Variants in RALA observed in about 807,000 individuals in gnomAD.
RALA encodes ras-related protein Ral-A.
Under a neutral mutation model 24.0 loss-of-function variants are expected in RALA, and 5 were observed. The observed-to-expected ratio is 0.21, with a 90% CI of 0.11 to 0.44. RALA has a LOEUF of 0.44. Ranked by LOEUF, RALA falls within the 20% of genes least tolerant of loss-of-function variation. RALA has a pLI of 0.99. For missense variants in RALA, 95 were observed against 241.2 expected, an observed-to-expected ratio of 0.39 and a Z score of 4.01; for synonymous variants, 77 against 83.8, an observed-to-expected ratio of 0.92 and a Z score of 0.44.
chr7:39,625,577 A>G (rs1314141864), intron 1 of RALA, among the ~76,000 whole-genome samples: 1 of 152,214 alleles, frequency 6.6e-6, no homozygotes, highest in Non-Finnish European at 1.5e-5. Flanking sequence ...TGATTTACCA[A>G]TAGCCTCTTT....
chr7:39,652,953 A>G (rs889829121), intron 1 of RALA, among the ~76,000 whole-genome samples: 3 of 151,354 alleles, frequency 2.0e-5, no homozygotes, highest in Non-Finnish European at 4.4e-5. Context: ...TTTAGTAGAG[A>G]TGTGGTTTTG....
At chr7:39,696,882 T>TG (rs761942169) in intron 4 of RALA, 23 bp downstream of exon 4, 1 of 1,587,924 alleles carries the variant, frequency 6.3e-7, no homozygotes, top group East Asian at 2.2e-5. Context: ...TCTTTACTAC[T>TG]GCATCATGTT....
intron 1 of RALA, among the ~76,000 whole-genome samples, chr7:39,658,680 A>C (rs577600001): frequency 2.6e-5 from 4 of 152,046 alleles, no homozygotes; most frequent in Admixed American, 6.6e-5. Context: ...TAAAAACCTG[A>C]TTCTGAGTCA....
At chr7:39,702,194 T>A (rs1403939632) in intron 4 of RALA, among the ~76,000 whole-genome samples, 1 of 152,122 alleles carries the variant, frequency 6.6e-6, no homozygotes, top group Non-Finnish European at 1.5e-5. Context: ...TATAGAAACA[T>A]AAGGAGGAAA....
chr7:39,641,571 G>T (rs1400099540), intron 1 of RALA, among the ~76,000 whole-genome samples: 1 of 152,080 alleles, frequency 6.6e-6, no homozygotes, highest in African/African-American at 2.4e-5. Context: ...TCAATTTTTT[G>T]TTATTGGTTT....
intron 1 of RALA, among the ~76,000 whole-genome samples, chr7:39,642,465 G>T (rs1310340367): frequency 6.6e-6 from 1 of 152,036 alleles, no homozygotes; most frequent in Non-Finnish European, 1.5e-5. Context: ...AAAGAGAGAG[G>T]GTAGAGATAG....
At chr7:39,640,020 T>G (rs1034344169) in intron 1 of RALA, among the ~76,000 whole-genome samples, 14 of 148,260 alleles carry the variant, frequency 9.4e-5, no homozygotes, top group Non-Finnish European at 1.6e-4. Flanking sequence ...TTATAACCAT[T>G]CTAGTGTGTA....
intron 4 of RALA, among the ~76,000 whole-genome samples, chr7:39,697,919 G>A (rs942962124): frequency 1.3e-5 from 2 of 151,252 alleles, no homozygotes; most frequent in Non-Finnish European, 2.9e-5. Context: ...TTCAGGATAC[G>A]AATTTTTTCT....
intron 1 of RALA, among the ~76,000 whole-genome samples, chr7:39,681,123 A>AT (rs1792589812): frequency 6.6e-6 from 1 of 152,040 alleles, no homozygotes; most frequent in Non-Finnish European, 1.5e-5. Context: ...TCATTAATTT[A>AT]TGCCTCTTTT....
intron 1 of RALA, among the ~76,000 whole-genome samples, chr7:39,660,841 A>C (rs1435025331): frequency 1.3e-5 from 2 of 152,242 alleles, no homozygotes; most frequent in African/African-American, 4.8e-5. Context: ...ATTATTTACT[A>C]TCAGGTACAC....
chr7:39,675,739 TAA>T (rs752072089), intron 1 of RALA, among the ~76,000 whole-genome samples: 11 of 116,334 alleles, frequency 9.5e-5, no homozygotes, highest in African/African-American at 1.2e-4. Flanking sequence ...TCTGGGAAAT[TAA>T]AAAAAAAAAA....
At chr7:39,696,924 A>AT in intron 4 of RALA, 65 bp downstream of exon 4, 6 of 1,441,294 alleles carry the variant, frequency 4.2e-6, no homozygotes, top group Non-Finnish European at 5.7e-6. Context: ...ACTTGGCTCC[A>AT]TTTTGTCTGG....
At chr7:39,650,654 A>C in intron 1 of RALA, among the ~76,000 whole-genome samples, 1 of 152,158 alleles carries the variant, frequency 6.6e-6, no homozygotes, top group Admixed American at 6.5e-5. Flanking sequence ...CTGTAAGCTA[A>C]CTATATAGTT....
At chr7:39,705,983 T>G in intron 4 of RALA, 140 bp from the exon 5 acceptor site, 1 of 673,954 alleles carries the variant, frequency 1.5e-6, no homozygotes, top group Non-Finnish European at 2.3e-6. Context: ...TTTAGTTTTA[T>G]GCTTTCCGCT....
At chr7:39,628,361 C>T (rs1320428893) in intron 1 of RALA, among the ~76,000 whole-genome samples, 2 of 146,016 alleles carry the variant, frequency 1.4e-5, no homozygotes, top group Admixed American at 1.4e-4. Context: ...CAGCAGTCCA[C>T]AGTAACCTCA....
At chr7:39,683,922 T>C (rs1348271827) in intron 1 of RALA, among the ~76,000 whole-genome samples, 2 of 152,162 alleles carry the variant, frequency 1.3e-5, no homozygotes, top group Non-Finnish European at 2.9e-5. Context: ...TCATGTGATA[T>C]GTACTGTTTT....
intron 1 of RALA, among the ~76,000 whole-genome samples, chr7:39,685,069 C>T (rs560583488): frequency 9.9e-5 from 15 of 152,016 alleles, no homozygotes; most frequent in South Asian, 2.1e-4. Flanking sequence ...TGGCCAAAAC[C>T]GCAATTACTT....
Position 39,678,276 on chromosome 7 carries a change from A to G in RALA, c.-37-8355A>G, listed in dbSNP as rs117800668. 0.012 allele frequency among the ~76,000 whole-genome samples: 1,849 copies of G among 152,268 alleles called. 91 individuals carry two copies. In the East Asian group the frequency reaches 0.13, roughly 10 times the overall value. ...AAATGTGTGTTGTTTTAAGCCACTA[A>G]TTTTGTGGTAATTTGCTGCAGCAGA... On this transcript the variant is annotated intron_variant, in intron 1 of 4. Coordinates refer to ENST00000005257, the MANE Select transcript of RALA (RefSeq NM_005402.4).
chr7:39,707,478 C>T lies in RALA; in HGVS notation c.*1233C>T, dbSNP rs1399601759. On this transcript the variant is annotated 3_prime_UTR_variant, in exon 5 of 5. Coordinates refer to ENST00000005257, the MANE Select transcript of RALA (RefSeq NM_005402.4). ...CAAGCCATCAAACCTGGGTATAGTG[C>T]AGAAAACGTGGCACACACTGACCAC... 4 of 152,168 alleles carry T rather than the reference C, an allele frequency of 2.6e-5. No homozygotes were observed. Among genetic ancestry groups the T allele is most frequent in the African/African-American group, 9.7e-5 (4 of 41,416 alleles). The allele number at this position is 152,168 out of a possible 1,614,324, so 9.4% of individuals were successfully genotyped here. A position where few individuals can be genotyped will look rare whatever the true frequency, so the allele number is the denominator to read the frequency against.
Sources: gnomAD v4.1 joint callset for allele counts (sites outside exome capture counted in the v4.1 genomes callset) on GRCh38, gnomAD v4.1.1 for gene constraint, MANE v1.5 for transcripts, NCBI Gene and HGNC (gene_info 2026-07-23, HGNC 2026-07-21) for gene names.